The following IRF8 variants were observed in gnomAD, a reference collection of about 807,000 sequenced individuals.
IRF8 encodes the protein interferon consensus sequence binding protein 1.
Under a neutral mutation model 48.7 loss-of-function variants are expected in IRF8, and 14 were observed. The ratio of observed to expected loss-of-function variants is 0.29; its 90% CI spans 0.19 to 0.45. The LOEUF is 0.45. Among genes scored for constraint, IRF8 ranks in the 20% least tolerant of loss-of-function variants. The pLI is 1.00. For synonymous variants in IRF8, 278 were observed against 227.3 expected (o/e 1.22, Z -2.01); for missense variants, 493 against 580.7 (o/e 0.85, Z 1.55).
intron 8 of IRF8, among the ~76,000 whole-genome samples, chr16:85,920,471 C>A (rs1373790693): frequency 1.3e-5 from 2 of 152,138 alleles, no homozygotes; most frequent in Non-Finnish European, 2.9e-5. Context: ...TGGTCTTGAT[C>A]TTGTGATCCT....
chr16:85,913,360 C>G (rs1053769996), intron 5 of IRF8, 124 bp downstream of exon 5: 1 of 748,044 alleles, frequency 1.3e-6, no homozygotes, highest in African/African-American at 1.7e-5. Context: ...AAAGGTAGCT[C>G]AGCCCTGAGA....
In IRF8 at chr16:85,918,548, G is replaced by C. The variant is rs1277105692; in HGVS notation, c.733G>C (p.Glu245Gln). The change falls in exon 7 of 9, where the codon GAG becomes CAG. Residue 245 changes from glutamate to glutamine, a missense_variant. Physicochemically the swap from Glu to Gln is conservative, Grantham distance 29. Coordinates refer to ENST00000268638, the MANE Select transcript of IRF8 (RefSeq NM_002163.4). ...GLPGTKLYGP[E>Q]GLELVRFPPA... Reference sequence around the variant, plus strand: ...GCCCGGCACCAAGCTGTATGGGCCCGAGGGCCTGGAGCTGGTGCGCTTCCC... The same window carrying C: ...GCCCGGCACCAAGCTGTATGGGCCCCAGGGCCTGGAGCTGGTGCGCTTCCC... The C allele has an allele frequency of 6.2e-7, 1 of 1,602,988 alleles. No individual in the cohort carries two copies. The highest frequency in any genetic ancestry group is 8.5e-7 in the Non-Finnish European group (1 of 1,179,014).
intron 3 of IRF8, 60 bp from the exon 4 acceptor site, chr16:85,911,510 T>G (rs2152101478): frequency 7.3e-7 from 1 of 1,369,560 alleles, no homozygotes; most frequent in African/African-American, 1.4e-5. Flanking sequence ...GATTATGGCT[T>G]CAGCAAAGGC....
At chr16:85,900,382 G>A (rs1034818598) in intron 1 of IRF8, among the ~76,000 whole-genome samples, 1 of 152,222 alleles carries the variant, frequency 6.6e-6, no homozygotes, top group Admixed American at 6.5e-5. Context: ...TTATAAACAT[G>A]TGATTAGACT....
At chr16:85,903,237 C>A in intron 2 of IRF8, 48 bp downstream of exon 2, 1 of 1,494,284 alleles carries the variant, frequency 6.7e-7, no homozygotes, top group African/African-American at 1.4e-5. Context: ...TGTCTCCTTT[C>A]CCTCATGGAC....
At chr16:85,916,505 TCAGG>T (rs1905310481) in intron 6 of IRF8, among the ~76,000 whole-genome samples, 1 of 152,190 alleles carries the variant, frequency 6.6e-6, no homozygotes, top group Non-Finnish European at 1.5e-5. Flanking sequence ...TTCTCACCTG[TCAGG>T]TACAAGCCTG....
At chr16:85,905,194 AC>A (rs1904958918) in intron 2 of IRF8, among the ~76,000 whole-genome samples, 2 of 152,152 alleles carry the variant, frequency 1.3e-5, no homozygotes, top group African/African-American at 4.8e-5. Flanking sequence ...AACAGACTTA[AC>A]CAGAGGTGTT....
chr16:85,906,678 A>C (rs961499453), intron 2 of IRF8, among the ~76,000 whole-genome samples: 4 of 152,230 alleles, frequency 2.6e-5, no homozygotes, highest in Non-Finnish European at 5.9e-5. Context: ...CAACGTTGCC[A>C]TGAAATCTGT....
At chr16:85,911,437 T>C in intron 3 of IRF8, 133 bp from the exon 4 acceptor site, 1 of 778,022 alleles carries the variant, frequency 1.3e-6, no homozygotes, top group African/African-American at 1.7e-5. Context: ...TTCTGTGCCT[T>C]TCCCAAACCA....
Position 85,921,361 on chromosome 16 carries a change from A to C in IRF8, c.*79A>C. ...ACAGTGGCCCGCATCATGATTAAAG[A>C]ATGTGGATCCCTCTGTCTGGGGTGG... is the stretch of plus-strand genomic sequence containing the variant. On this transcript the variant is annotated 3_prime_UTR_variant, in exon 9 of 9. Transcript: ENST00000268638. The C allele has an allele frequency of 2.8e-6, 4 of 1,452,534 alleles. No individual in the cohort carries two copies. In the Admixed American group the frequency reaches 6.7e-5, roughly 24 times the overall value. The allele number at this position is 1,452,534 out of a possible 1,614,324, so 90.0% of individuals were successfully genotyped here.
At chr16:85,900,049 G>A (rs551552664) in intron 1 of IRF8, among the ~76,000 whole-genome samples, 2 of 152,280 alleles carry the variant, frequency 1.3e-5, no homozygotes, top group East Asian at 1.9e-4. Flanking sequence ...GTCCTTTTGG[G>A]TTACGGCAGC....
At chr16:85,899,460 C>T (rs528653687) in intron 1 of IRF8, among the ~76,000 whole-genome samples, 360 of 152,302 alleles carry the variant, frequency 2.4e-3, no homozygotes, top group African/African-American at 6.2e-3. Context: ...AGATAGATGC[C>T]TTTTTAAAAA....
At chr16:85,910,558 C>G (rs1905113637) in intron 3 of IRF8, among the ~76,000 whole-genome samples, 1 of 152,168 alleles carries the variant, frequency 6.6e-6, no homozygotes. Flanking sequence ...TACTGCCACC[C>G]CCAAGATCAG....
chr16:85,917,219 T>A (rs1905339901), intron 6 of IRF8, among the ~76,000 whole-genome samples: 1 of 152,194 alleles, frequency 6.6e-6, no homozygotes, highest in Non-Finnish European at 1.5e-5. Context: ...CTTGTGTGGC[T>A]CCACAAGGCA....
intron 8 of IRF8, 78 bp from the exon 9 acceptor site, chr16:85,921,028 C>T: frequency 6.9e-7 from 1 of 1,453,882 alleles, no homozygotes; most frequent in East Asian, 2.5e-5. Flanking sequence ...ATCAGAGGAC[C>T]TGGCTAGGGT....
chr16:85,899,767 C>A (rs1224947684), intron 1 of IRF8, among the ~76,000 whole-genome samples: 3 of 152,140 alleles, frequency 2.0e-5, no homozygotes, highest in South Asian at 2.1e-4. Context: ...TCGTCCTTGG[C>A]AAGAGAGTCT....
Position 85,918,687 on chromosome 16 carries a change from G to A in IRF8, c.872G>A (p.Arg291Gln). 2 of 1,611,898 alleles carry A rather than the reference G, an allele frequency of 1.2e-6. No individual in the cohort carries two copies. The highest frequency in any genetic ancestry group is 1.7e-6 in the Non-Finnish European group (2 of 1,179,928). The change falls in exon 7 of 9, where the codon CGG (arginine) becomes CAG (glutamine). Residue 291 changes from arginine to glutamine, a missense_variant. By Grantham distance (43) the Arg-to-Gln change is conservative. This residue lies in a region of IRF8 where 408 missense variants were observed against 449.6 expected (regional missense o/e 0.91). Coordinates refer to ENST00000268638, the MANE Select transcript of IRF8 (RefSeq NM_002163.4). The stretch of plus-strand genomic sequence containing the variant: ...AGCCGGCAGGGCGTGTTCGTCAAGC[G>A]GCTGTGCCAGGGCCGCGTGTTCTGC... ...HSSRQGVFVKRLCQGRVFCSG... is the reference protein window; with the variant it reads ...HSSRQGVFVKQLCQGRVFCSG...
rs1384516972 is a variant in IRF8 at position 85,921,485 on chromosome 16, C to T, written c.*203C>T. On this transcript the variant is annotated 3_prime_UTR_variant, in exon 9 of 9. Transcript: ENST00000268638. ...AGCCCTGCCGAGATGTCGGTGATGGCCTGGATGCTGTAACCACAACCTGTG... is the reference window on the plus strand; with the variant it reads ...AGCCCTGCCGAGATGTCGGTGATGGTCTGGATGCTGTAACCACAACCTGTG... The T allele has an allele frequency of 1.6e-6, 1 of 621,558 alleles. No homozygotes were observed. Among genetic ancestry groups the T allele is most frequent in the Non-Finnish European group, 2.9e-6 (1 of 349,852 alleles). The allele number at this position is 621,558 out of a possible 1,614,324, so 38.5% of individuals were successfully genotyped here. A position where few individuals can be genotyped will look rare whatever the true frequency, so the allele number is the denominator to read the frequency against.
chr16:85,908,287 A>T (rs1905058813), intron 2 of IRF8, among the ~76,000 whole-genome samples: 1 of 152,172 alleles, frequency 6.6e-6, no homozygotes, highest in Non-Finnish European at 1.5e-5. Flanking sequence ...TTATTTTTTT[A>T]AAATCTGTAC....
Sources: gnomAD v4.1 joint callset for allele counts (sites outside exome capture counted in the v4.1 genomes callset) on GRCh38, gnomAD v4.1.1 for gene constraint, gnomAD v4.1.1 regional missense constraint, MANE v1.5 for transcripts, NCBI Gene and HGNC (gene_info 2026-07-23, HGNC 2026-07-21) for gene names.